Variants in SH3PXD2A observed in about 807,000 individuals in gnomAD.
SH3PXD2A encodes SH3 and PX domain-containing protein 2A.
A neutral mutation model predicts 115.2 loss-of-function variants in SH3PXD2A; 32 were observed. That is an observed-to-expected ratio of 0.28 (90% CI 0.21 to 0.37). The LOEUF (loss-of-function observed/expected upper bound fraction) is 0.37. Among genes scored for constraint, SH3PXD2A ranks in the 10% least tolerant of loss-of-function variants. The pLI, the probability that SH3PXD2A is intolerant of heterozygous loss-of-function variation, is 1.00. For missense variants in SH3PXD2A, 1,328 were observed against 1,498.7 expected (o/e 0.89, Z 1.88); for synonymous variants, 610 against 629.1 (o/e 0.97, Z 0.45).
chr10:103,625,644 G>A (rs2036680019), intron 9 of SH3PXD2A, among the ~76,000 whole-genome samples: 1 of 152,214 alleles, frequency 6.6e-6, no homozygotes, highest in Non-Finnish European at 1.5e-5. Flanking sequence ...TGTAATCCCA[G>A]CACTTTGGGA....
intron 13 of SH3PXD2A, among the ~76,000 whole-genome samples, chr10:103,607,246 ACT>A (rs1035058200): frequency 2.6e-5 from 3 of 116,166 alleles, no homozygotes; most frequent in African/African-American, 1.0e-4. Context: ...AAGTGAGGAG[ACT>A]CTCCGCCTGG....
chr10:103,603,349 C>T lies in SH3PXD2A; in HGVS notation c.1869G>A (p.Glu623=), dbSNP rs1418680379. Residue 623 remains glutamate, a synonymous_variant, in exon 15 of 15, where the codon GAG becomes GAA. Transcript: ENST00000369774. The part of the protein sequence containing the change: ...ALEEETIYEN[E]GFRPYAEDTL... ...TGTCCTCTGCATATGGCCGGAAGCC[C>T]TCATTCTCATAGATGGTCTCCTCTT... 6.2e-7 allele frequency: 1 copy of T among 1,614,074 alleles called. No individual in the cohort carries two copies.
chr10:103,833,303 A>C (rs1199087777), intron 1 of SH3PXD2A, among the ~76,000 whole-genome samples: 2 of 152,212 alleles, frequency 1.3e-5, no homozygotes, highest in Non-Finnish European at 2.9e-5. Context: ...TCTTCACTGT[A>C]AACATCACTT....
chr10:103,726,698 A>G (rs1424519426), intron 4 of SH3PXD2A, among the ~76,000 whole-genome samples: 3 of 152,208 alleles, frequency 2.0e-5, no homozygotes, highest in African/African-American at 7.2e-5. Flanking sequence ...GGTTGCATCT[A>G]TAGAATTATA....
chr10:103,795,686 T>C (rs1463654922), intron 2 of SH3PXD2A, among the ~76,000 whole-genome samples: 1 of 152,212 alleles, frequency 6.6e-6, no homozygotes, highest in African/African-American at 2.4e-5. Flanking sequence ...TCTGGAATGG[T>C]GTAAAACAAT....
intron 8 of SH3PXD2A, among the ~76,000 whole-genome samples, chr10:103,635,912 G>T (rs1454404615): frequency 6.6e-6 from 1 of 152,196 alleles, no homozygotes; most frequent in Non-Finnish European, 1.5e-5. Context: ...CAACATGGGG[G>T]GTTCTGGCCA....
intron 1 of SH3PXD2A, among the ~76,000 whole-genome samples, chr10:103,818,748 G>T (rs1015131911): frequency 1.3e-5 from 2 of 152,108 alleles, no homozygotes; most frequent in Admixed American, 6.6e-5. Flanking sequence ...TTCTCCCCTA[G>T]TTCCCAGTCC....
chr10:103,843,853 G>A (rs1274318335), intron 1 of SH3PXD2A, among the ~76,000 whole-genome samples: 1 of 152,166 alleles, frequency 6.6e-6, no homozygotes, highest in African/African-American at 2.4e-5. Flanking sequence ...GCACCTCCCT[G>A]AGCCTCAGTT....
intron 1 of SH3PXD2A, among the ~76,000 whole-genome samples, chr10:103,852,732 G>T (rs556389575): frequency 1.3e-5 from 2 of 152,286 alleles, no homozygotes; most frequent in East Asian, 1.9e-4. Context: ...TGTCCCACCA[G>T]GCCCTTTCTA....
At chr10:103,676,477 G>T (rs574366065) in intron 6 of SH3PXD2A, among the ~76,000 whole-genome samples, 4 of 152,212 alleles carry the variant, frequency 2.6e-5, no homozygotes, top group African/African-American at 7.2e-5. Flanking sequence ...CCCAGCCTAA[G>T]TGGGTGTGGA....
intron 5 of SH3PXD2A, among the ~76,000 whole-genome samples, chr10:103,696,933 G>A (rs1413609965): frequency 2.0e-5 from 3 of 152,126 alleles, no homozygotes; most frequent in Non-Finnish European, 4.4e-5. Context: ...TGGCCTGGCT[G>A]GGAAAGAGGG....
At chr10:103,655,322 A>T (rs2037194545) in intron 8 of SH3PXD2A, among the ~76,000 whole-genome samples, 1 of 152,150 alleles carries the variant, frequency 6.6e-6, no homozygotes, top group Non-Finnish European at 1.5e-5. Context: ...GACTACAATA[A>T]ACCTGCCCTT....
chr10:103,640,626 C>A (rs1192406533), intron 8 of SH3PXD2A, among the ~76,000 whole-genome samples: 1 of 152,174 alleles, frequency 6.6e-6, no homozygotes, highest in Non-Finnish European at 1.5e-5. Flanking sequence ...CACCCAAGGA[C>A]ACAAAATGGG....
At chr10:103,731,436 C>T (rs1162897429) in intron 4 of SH3PXD2A, among the ~76,000 whole-genome samples, 1 of 152,194 alleles carries the variant, frequency 6.6e-6, no homozygotes, top group Non-Finnish European at 1.5e-5. Flanking sequence ...GCTGGGATTA[C>T]AGACATGAGC....
At chr10:103,726,636 T>C (rs1271060583) in intron 4 of SH3PXD2A, among the ~76,000 whole-genome samples, 1 of 152,178 alleles carries the variant, frequency 6.6e-6, no homozygotes, top group African/African-American at 2.4e-5. Flanking sequence ...AAGCCCAATA[T>C]CCAGTAGCTA....
intron 3 of SH3PXD2A, among the ~76,000 whole-genome samples, chr10:103,747,428 C>T (rs927707746): frequency 2.0e-5 from 3 of 152,182 alleles, no homozygotes; most frequent in Non-Finnish European, 2.9e-5. Context: ...GCCTCGGCTC[C>T]TCCCTCCAGG....
intron 1 of SH3PXD2A, among the ~76,000 whole-genome samples, chr10:103,826,307 G>A (rs1374465342): frequency 6.6e-6 from 1 of 152,112 alleles, no homozygotes; most frequent in South Asian, 2.1e-4. Flanking sequence ...TCCAAGTGAG[G>A]ATACTTGGGC....
chr10:103,809,178 G>C (rs2039238679), intron 1 of SH3PXD2A, among the ~76,000 whole-genome samples: 1 of 152,144 alleles, frequency 6.6e-6, no homozygotes, highest in African/African-American at 2.4e-5. Context: ...GGGGAGAGAG[G>C]TGACGCTGCA....
chr10:103,823,929 A>T (rs1042501487), intron 1 of SH3PXD2A, among the ~76,000 whole-genome samples: 6 of 152,218 alleles, frequency 3.9e-5, no homozygotes, highest in Admixed American at 3.9e-4. Context: ...CTCCTGCAGA[A>T]CAATGAAAAG....
Sources: gnomAD v4.1 joint callset for allele counts (sites outside exome capture counted in the v4.1 genomes callset) on GRCh38, gnomAD v4.1.1 for gene constraint, MANE v1.5 for transcripts, NCBI Gene and HGNC (gene_info 2026-07-23, HGNC 2026-07-21) for gene names.